Variants in BTC observed in about 807,000 individuals in gnomAD.
BTC encodes betacellulin.
In BTC, 13 loss-of-function variants were observed where a neutral mutation model predicts 18.1. That is an observed-to-expected ratio of 0.72 (90% CI 0.47 to 1.14). The LOEUF is 1.14. BTC is among the 50% of genes most tolerant of loss of function. BTC has a pLI of 0.00. For missense variants in BTC, 247 were observed against 224.2 expected (o/e 1.10, Z -0.65); for synonymous variants, 83 against 79.4 (o/e 1.05, Z -0.24).
chr4:74,781,133 T>A (rs1725312784), intron 1 of BTC, among the ~76,000 whole-genome samples: 1 of 152,036 alleles, frequency 6.6e-6, no homozygotes, highest in African/African-American at 2.4e-5. Context: ...AGACCACATG[T>A]GTGTACAGGC....
At chr4:74,755,646 C>A (rs868940337) in intron 3 of BTC, among the ~76,000 whole-genome samples, 1 of 152,240 alleles carries the variant, frequency 6.6e-6, no homozygotes, top group Admixed American at 6.5e-5. Context: ...TGGAGCTGGA[C>A]TCTCACATAC....
intron 1 of BTC, among the ~76,000 whole-genome samples, chr4:74,772,270 G>A (rs1366442106): frequency 6.6e-6 from 1 of 152,158 alleles, no homozygotes; most frequent in Non-Finnish European, 1.5e-5. Context: ...AGTGACTCAT[G>A]TATTTCTCTT....
In BTC at chr4:74,750,674, C is replaced by G; in HGVS notation, c.327G>C (p.Leu109Phe). 6.2e-7 allele frequency: 1 copy of G among 1,613,948 alleles called. No individual in the cohort carries two copies. The highest frequency in any genetic ancestry group is 8.5e-7 in the Non-Finnish European group (1 of 1,179,950). Reference protein sequence around the residue: ...YIGARCERVDLFYLRGDRGQI... With the variant: ...YIGARCERVDFFYLRGDRGQI... ...GTCCTCTGTCTCCTCTTAGGTAAAA[C>G]AAGTCAACTCTCTCACACCTTGCTC... is the stretch of plus-strand genomic sequence containing the variant. Residue 109 changes from leucine to phenylalanine, a missense_variant, in exon 4 of 6, where the codon TTG (leucine) becomes TTC (phenylalanine). Physicochemically the swap from Leu to Phe is conservative, Grantham distance 22. Transcript: ENST00000395743.
chr4:74,783,593 T>TTC (rs1725396439), intron 1 of BTC, among the ~76,000 whole-genome samples: 1 of 149,610 alleles, frequency 6.7e-6, no homozygotes, highest in South Asian at 2.1e-4. Context: ...GGCTCTTTTT[T>TTC]TTTTTTTTTT....
At chr4:74,794,197 G>T in intron 1 of BTC, 65 bp downstream of exon 1, 2 of 1,539,144 alleles carry the variant, frequency 1.3e-6, no homozygotes, top group Non-Finnish European at 1.8e-6. Flanking sequence ...TTCAGGGTTC[G>T]CCCTCCCCGC....
At chr4:74,778,490 G>T (rs977687355) in intron 1 of BTC, among the ~76,000 whole-genome samples, 4 of 152,156 alleles carry the variant, frequency 2.6e-5, no homozygotes, top group Non-Finnish European at 4.4e-5. Context: ...CACCTATCAT[G>T]CAGTGTGTAG....
chr4:74,754,965 A>ACACACT (rs1426793450), intron 3 of BTC, among the ~76,000 whole-genome samples: 23 of 145,340 alleles, frequency 1.6e-4, no homozygotes, highest in African/African-American at 5.6e-4. Flanking sequence ...ACACACACAC[A>ACACACT]CTCACACACA....
chr4:74,778,064 G>T (rs1725223618), intron 1 of BTC, among the ~76,000 whole-genome samples: 1 of 150,892 alleles, frequency 6.6e-6, no homozygotes, highest in Admixed American at 6.6e-5. Flanking sequence ...TGAAAATAAT[G>T]TTTAACACTG....
At chr4:74,779,291 C>A (rs1299628764) in intron 1 of BTC, among the ~76,000 whole-genome samples, 1 of 152,106 alleles carries the variant, frequency 6.6e-6, no homozygotes, top group Non-Finnish European at 1.5e-5. Flanking sequence ...CAAACTAATT[C>A]AGGTATCTGA....
intron 1 of BTC, among the ~76,000 whole-genome samples, chr4:74,774,598 A>T (rs555135163): frequency 6.6e-6 from 1 of 152,166 alleles, no homozygotes; most frequent in South Asian, 2.1e-4. Flanking sequence ...CTTTAAAAAA[A>T]AAAAAGGAAC....
chr4:74,792,926 T>C (rs1725672668), intron 1 of BTC, among the ~76,000 whole-genome samples: 1 of 152,204 alleles, frequency 6.6e-6, no homozygotes, highest in Admixed American at 6.5e-5. Context: ...AGGGCAGGAA[T>C]CATGTTTTAT....
At position 74,745,942 on chromosome 4, in the gene BTC, A is replaced by G. The variant is rs899893680; in HGVS notation, c.*735T>C. The G allele has an allele frequency of 2.0e-5, 3 of 152,208 alleles. No homozygotes were observed. The highest frequency in any genetic ancestry group is 4.4e-5 in the Non-Finnish European group (3 of 68,014). 9.4% of individuals were successfully genotyped at this position (152,208 alleles called of 1,614,324 possible). A position where few individuals can be genotyped will look rare whatever the true frequency, so the allele number is the denominator to read the frequency against. ...AAGAAACATAATAAAAGCCAATTCT[A>G]TAGAAAGCATGATGGTAACAGCAAT... On this transcript the variant is annotated 3_prime_UTR_variant, in exon 6 of 6. Coordinates refer to ENST00000395743, the MANE Select transcript of BTC (RefSeq NM_001729.4).
intron 1 of BTC, among the ~76,000 whole-genome samples, chr4:74,783,742 C>G (rs1577969146): frequency 6.6e-6 from 1 of 152,126 alleles, no homozygotes; most frequent in East Asian, 1.9e-4. Flanking sequence ...TTCTTCCTGT[C>G]CATGAGCATG....
intron 1 of BTC, among the ~76,000 whole-genome samples, chr4:74,788,121 A>G (rs529319406): frequency 6.6e-6 from 1 of 152,230 alleles, no homozygotes; most frequent in Non-Finnish European, 1.5e-5. Context: ...CCTGCCTCCA[A>G]TTCCTAGGAT....
chr4:74,784,544 T>C (rs1320559841), intron 1 of BTC, among the ~76,000 whole-genome samples: 1 of 152,216 alleles, frequency 6.6e-6, no homozygotes, highest in African/African-American at 2.4e-5. Flanking sequence ...CCATTCAGTA[T>C]GATACCGGCT....
At chr4:74,763,212 A>G (rs1426153820) in intron 2 of BTC, among the ~76,000 whole-genome samples, 2 of 152,154 alleles carry the variant, frequency 1.3e-5, no homozygotes, top group Non-Finnish European at 2.9e-5. Context: ...TTTTGACATT[A>G]TATTATTATT....
At chr4:74,759,266 T>G (rs1271823421) in intron 2 of BTC, among the ~76,000 whole-genome samples, 1 of 152,190 alleles carries the variant, frequency 6.6e-6, no homozygotes, top group East Asian at 1.9e-4. Context: ...AGTGTCGTAT[T>G]TCTCTGCTGT....
chr4:74,747,950 A>T, intron 5 of BTC, 90 bp downstream of exon 5: 2 of 592,842 alleles, frequency 3.4e-6, no homozygotes, highest in South Asian at 5.6e-5. Flanking sequence ...ATCAAATTCT[A>T]ATGAATGATT....
intron 4 of BTC, 27 bp from the exon 5 acceptor site, chr4:74,748,176 T>C: frequency 7.2e-7 from 1 of 1,383,406 alleles, no homozygotes; most frequent in Non-Finnish European, 1.0e-6. Flanking sequence ...TAGAAGTTAG[T>C]ATGGGCCTAG....
Sources: allele counts gnomAD v4.1 joint callset (sites outside exome capture counted in the v4.1 genomes callset), GRCh38; gene constraint gnomAD v4.1.1; transcripts MANE v1.5; gene names NCBI Gene and HGNC (gene_info 2026-07-23, HGNC 2026-07-21).